GALNT13: variants seen among roughly 807,000 people sequenced by gnomAD.
GALNT13 encodes polypeptide N-acetylgalactosaminyltransferase 13.
Under a neutral mutation model 64.2 loss-of-function variants are expected in GALNT13, and 28 were observed. That is an observed-to-expected ratio of 0.44 (90% confidence interval 0.32 to 0.60). The LOEUF is 0.60. Ranked by LOEUF, GALNT13 falls within the 20% of genes least tolerant of loss-of-function variation. The pLI, the probability that GALNT13 is intolerant of heterozygous loss-of-function variation, is 0.05. For missense variants in GALNT13, 577 were observed against 669.8 expected, an observed-to-expected ratio of 0.86 and a Z score of 1.53; for synonymous variants, 214 against 224.6, an observed-to-expected ratio of 0.95 and a Z score of 0.42.
intron 4 of GALNT13, among the ~76,000 whole-genome samples, chr2:154,212,277 C>T (rs1247411587): frequency 6.6e-6 from 1 of 151,706 alleles, no homozygotes; most frequent in Admixed American, 6.6e-5. Flanking sequence ...CGGAGTCTTG[C>T]TCTATCGCCC....
intron 9 of GALNT13, among the ~76,000 whole-genome samples, chr2:154,342,079 A>G (rs992276639): frequency 6.6e-6 from 1 of 152,072 alleles, no homozygotes; most frequent in South Asian, 2.1e-4. Flanking sequence ...GGATGTGTTC[A>G]GTTTGAGATG....
At chr2:153,110,533 G>A in the GALNT13 span, among the ~76,000 whole-genome samples, 1 of 152,058 alleles carries the variant, frequency 6.6e-6, no homozygotes, top group African/African-American at 2.4e-5. Context: ...TCTAGTAAAG[G>A]AAAGGCCTTT....
At chr2:154,191,058 A>G (rs1686550482) in intron 4 of GALNT13, among the ~76,000 whole-genome samples, 1 of 152,206 alleles carries the variant, frequency 6.6e-6, no homozygotes. Flanking sequence ...TTAACATCGT[A>G]AAATATTCTC....
At chr2:153,728,976 T>C in the GALNT13 span, among the ~76,000 whole-genome samples, 1 of 152,104 alleles carries the variant, frequency 6.6e-6, no homozygotes, top group Non-Finnish European at 1.5e-5. Context: ...TAACAAGTTA[T>C]GAAATTGAGG....
chr2:154,396,696 A>G (rs1393940422), intron 10 of GALNT13, among the ~76,000 whole-genome samples: 1 of 152,066 alleles, frequency 6.6e-6, no homozygotes, highest in Non-Finnish European at 1.5e-5. Flanking sequence ...CTGCAATACA[A>G]GGCAGTCTAT....
At chr2:153,883,776 G>C (rs985003503) in intron 1 of GALNT13, among the ~76,000 whole-genome samples, 22 of 151,926 alleles carry the variant, frequency 1.4e-4, no homozygotes, top group South Asian at 1.0e-3. Context: ...GAAATGTCAG[G>C]TAAAACAAAA....
At chr2:153,376,566 A>C in the GALNT13 span, among the ~76,000 whole-genome samples, 2 of 152,160 alleles carry the variant, frequency 1.3e-5, no homozygotes, top group African/African-American at 4.8e-5. Flanking sequence ...CATGGGTTGA[A>C]CACATACAAA....
chr2:153,915,685 T>C (rs1480800016), intron 2 of GALNT13, among the ~76,000 whole-genome samples: 1 of 104,084 alleles, frequency 9.6e-6, no homozygotes, highest in Non-Finnish European at 2.1e-5. Flanking sequence ...GAATCTAGTC[T>C]CCTTTTGTAG....
At chr2:153,531,838 G>A in the GALNT13 span, among the ~76,000 whole-genome samples, 1 of 152,268 alleles carries the variant, frequency 6.6e-6, no homozygotes, top group South Asian at 2.1e-4. Context: ...AACCCAGCAG[G>A]ACAGTCATTA....
chr2:154,336,516 A>C (rs1013394023), intron 9 of GALNT13, among the ~76,000 whole-genome samples: 6 of 152,170 alleles, frequency 3.9e-5, no homozygotes, highest in African/African-American at 1.4e-4. Flanking sequence ...AAAGAAATGC[A>C]AAGTTACTGT....
rs1699675429 is a variant in GALNT13 at position 154,409,013 on chromosome 2, A to G, written c.1326A>G (p.Leu442=). 1 of 1,611,068 alleles carries G rather than the reference A, an allele frequency of 6.2e-7. No individual in the cohort carries two copies. Among genetic ancestry groups the G allele is most frequent in the Non-Finnish European group, 8.5e-7 (1 of 1,177,840 alleles). ...EIRNVETNQC[L]DNMGRKENEK... is the part of the protein sequence containing the mutation. ...GAAATGTTGAAACCAATCAGTGTTTAGACAACATGGGCCGCAAGGAAAATG... is the reference window on the plus strand; with the variant it reads ...GAAATGTTGAAACCAATCAGTGTTTGGACAACATGGGCCGCAAGGAAAATG... Residue 442 remains leucine (L), a synonymous_variant, in exon 11 of 13, where the codon TTA becomes TTG. Coordinates refer to ENST00000392825, the MANE Select transcript of GALNT13 (RefSeq NM_052917.4).
chr2:153,851,162 AG>A, the GALNT13 span, among the ~76,000 whole-genome samples: 2 of 152,182 alleles, frequency 1.3e-5, no homozygotes, highest in African/African-American at 4.8e-5. Flanking sequence ...ATCTAGAAAA[AG>A]AGGCCATATT....
chr2:153,576,198 G>C, the GALNT13 span, among the ~76,000 whole-genome samples: 1 of 152,056 alleles, frequency 6.6e-6, no homozygotes, highest in Non-Finnish European at 1.5e-5. Flanking sequence ...CTCTTTTGAA[G>C]CCTTGAGCTG....
At chr2:153,895,056 A>G (rs1687801440) in intron 1 of GALNT13, among the ~76,000 whole-genome samples, 1 of 152,178 alleles carries the variant, frequency 6.6e-6, no homozygotes. Context: ...ACAGACTAGG[A>G]AAATTGCTAA....
the GALNT13 span, chr2:153,171,897 C>CAA: frequency 2.0e-5 from 3 of 152,088 alleles, no homozygotes; most frequent in African/African-American, 7.2e-5. Context: ...CAGGACTGAC[C>CAA]ATGTAGATTA....
the GALNT13 span, among the ~76,000 whole-genome samples, chr2:153,821,179 GATC>G: frequency 6.6e-6 from 1 of 152,218 alleles, no homozygotes; most frequent in Admixed American, 6.5e-5. Flanking sequence ...GCATTAGACA[GATC>G]ATCAAGGCAA....
intron 2 of GALNT13, among the ~76,000 whole-genome samples, 169 bp downstream of exon 2, chr2:153,901,176 A>G (rs985969925): frequency 2.0e-5 from 3 of 152,026 alleles, no homozygotes; most frequent in Non-Finnish European, 2.9e-5. Context: ...ATTCTGTTCC[A>G]TTGTTCTGTG....
intron 1 of GALNT13, among the ~76,000 whole-genome samples, chr2:153,882,792 C>A (rs1388407813): frequency 6.6e-6 from 1 of 151,712 alleles, no homozygotes; most frequent in Non-Finnish European, 1.5e-5. Context: ...CCACACCCAG[C>A]TAACTTTTAT....
At chr2:154,331,341 A>G (rs1046482669) in intron 9 of GALNT13, among the ~76,000 whole-genome samples, 1 of 152,056 alleles carries the variant, frequency 6.6e-6, no homozygotes. Flanking sequence ...GCAAGTAACA[A>G]GCTGCCTGGT....
Sources: gnomAD v4.1 joint callset for allele counts (sites outside exome capture counted in the v4.1 genomes callset) on GRCh38, gnomAD v4.1.1 for gene constraint, MANE v1.5 for transcripts, NCBI Gene and HGNC (gene_info 2026-07-23, HGNC 2026-07-21) for gene names.